STOM: variants seen among roughly 807,000 people sequenced by gnomAD.
The protein encoded by STOM is erythrocyte band 7 integral membrane protein.
STOM carries 25 observed loss-of-function variants against 30.6 expected under a neutral mutation model. The observed-to-expected ratio is 0.82, with a 90% CI of 0.60 to 1.14. STOM has a LOEUF of 1.14. Among genes scored for constraint, STOM ranks in the 50% most tolerant of loss-of-function variants. The pLI is 0.00. For missense variants in STOM, 292 were observed against 365.2 expected, an observed-to-expected ratio of 0.80 and a Z score of 1.63; for synonymous variants, 118 against 130.8, an observed-to-expected ratio of 0.90 and a Z score of 0.67.
intron 1 of STOM, among the ~76,000 whole-genome samples, chr9:121,361,450 G>A (rs1020484854): frequency 5.7e-5 from 8 of 139,864 alleles, no homozygotes; most frequent in African/African-American, 1.8e-4. Flanking sequence ...GTGCAGTGGC[G>A]AGATCTCGGC....
intron 1 of STOM, among the ~76,000 whole-genome samples, chr9:121,369,669 G>A (rs1053980975): frequency 3.3e-5 from 5 of 152,142 alleles, no homozygotes; most frequent in Non-Finnish European, 7.4e-5. Flanking sequence ...GTGGGATTGG[G>A]GGAGGAGGGG....
rs779357169 is a variant in STOM, at chr9:121,349,294, G to A, written c.351C>T (p.Ser117=). The change falls in exon 5 of 7, where the codon AGC becomes AGT. Residue 117 remains serine (S), a synonymous_variant. Coordinates refer to ENST00000286713, the MANE Select transcript of STOM (RefSeq NM_004099.6). The part of the protein sequence containing the change: ...EILTKDSVTI[S]VDGVVYYRVQ... ...CGCGGTAATAGACCACACCATCCACGCTAATTGTCACTGAATCCTTTGTGA... is the reference window on the plus strand; with the variant it reads ...CGCGGTAATAGACCACACCATCCACACTAATTGTCACTGAATCCTTTGTGA... 8.1e-6 allele frequency: 13 copies of A among 1,614,092 alleles called. No individual in the cohort carries two copies. The highest frequency in any genetic ancestry group is 7.7e-5 in the South Asian group (7 of 91,084).
At chr9:121,356,611 A>G (rs2064392788) in intron 1 of STOM, among the ~76,000 whole-genome samples, 1 of 152,216 alleles carries the variant, frequency 6.6e-6, no homozygotes, top group Admixed American at 6.5e-5. Flanking sequence ...GAGGTGAGAA[A>G]GGAATGGGGC....
chr9:121,366,293 A>T, intron 1 of STOM: 3 of 975,946 alleles, frequency 3.1e-6, no homozygotes, highest in Non-Finnish European at 3.7e-6. Flanking sequence ...GAATGTAGCA[A>T]CAAGTGTGTG....
chr9:121,346,192 G>C (rs1189214921), intron 6 of STOM, among the ~76,000 whole-genome samples: 1 of 152,072 alleles, frequency 6.6e-6, no homozygotes, highest in African/African-American at 2.4e-5. Flanking sequence ...GTTTCACCAT[G>C]GTGGCCAGGC....
chr9:121,369,919 G>A (rs1348397470), intron 1 of STOM: 4 of 505,252 alleles, frequency 7.9e-6, no homozygotes, highest in Non-Finnish European at 1.4e-5. Flanking sequence ...GAAACGTGCC[G>A]TTGGCAGCCC....
In STOM at chr9:121,341,520, G is replaced by T. The variant is rs369606939; in HGVS notation, c.661-112C>A. 1.4e-4 allele frequency: 183 copies of T among 1,331,598 alleles called. 1 individual carries two copies. Among genetic ancestry groups the T allele is most frequent in the South Asian group, 1.1e-3 (83 of 76,132 alleles). 82.5% of individuals were successfully genotyped at this position (1,331,598 alleles called of 1,614,324 possible). On this transcript the variant is annotated intron_variant, in intron 6 of 6. Coordinates refer to ENST00000286713, the MANE Select transcript of STOM (RefSeq NM_004099.6). ...GGTGGTCCACAAAACTTTCTAGGGC[G>T]TATGCCAGAGTAGTTTTAAGAAAAT...
Position 121,339,051 on chromosome 9 carries a change from C to A in STOM, c.*2151G>T, listed in dbSNP as rs1325276018. On this transcript the variant is annotated 3_prime_UTR_variant, in exon 7 of 7. Transcript: ENST00000286713. ...AAATCCACAGACATTCAATACAGGC[C>A]GAAACAGACTCTCACCCCAAAAATA... is the stretch of plus-strand genomic sequence containing the variant. 2 of 152,174 alleles carry A rather than the reference C, an allele frequency of 1.3e-5. No individual in the cohort carries two copies. Among genetic ancestry groups the A allele is most frequent in the African/African-American group, 2.4e-5 (1 of 41,418 alleles). 9.4% of individuals were successfully genotyped at this position (152,174 alleles called of 1,614,324 possible). A position where few individuals can be genotyped will look rare whatever the true frequency, so the allele number is the denominator to read the frequency against.
In STOM at chr9:121,349,314, T is replaced by C. The variant is rs887477202; in HGVS notation, c.331A>G (p.Lys111Glu). ...FDIPPQEILT[K>E]DSVTISVDGV... is the part of the protein sequence containing the mutation. ...TCCACGCTAATTGTCACTGAATCCT[T>C]TGTGAGGATCTACAAGATGAAGGAA... Residue 111 changes from lysine (K) to glutamate (E), a missense_variant, in exon 5 of 7, where the codon AAG becomes GAG. Coordinates refer to ENST00000286713, the MANE Select transcript of STOM (RefSeq NM_004099.6). 1 of 1,614,028 alleles carries C rather than the reference T, an allele frequency of 6.2e-7. No individual in the cohort carries two copies. The highest frequency in any genetic ancestry group is 1.1e-5 in the South Asian group (1 of 91,068).
intron 1 of STOM, among the ~76,000 whole-genome samples, chr9:121,368,934 A>G (rs1204796296): frequency 6.8e-6 from 1 of 147,552 alleles, no homozygotes; most frequent in African/African-American, 2.5e-5. Context: ...CTCCGTCTCA[A>G]AAAAAAAAAA....
At chr9:121,347,914 G>T (rs2064303401) in intron 6 of STOM, 101 bp downstream of exon 6, 1 of 1,404,546 alleles carries the variant, frequency 7.1e-7, no homozygotes, top group Non-Finnish European at 9.4e-7. Context: ...ACCACTTCAA[G>T]ATTATTTCAA....
chr9:121,366,111 C>A lies in STOM; in HGVS notation c.61+4016G>T, dbSNP rs193149735. 9.7e-4 allele frequency: 960 copies of A among 985,058 alleles called. 1 individual carries two copies. Among genetic ancestry groups the A allele is most frequent in the Non-Finnish European group, 1.1e-3 (900 of 829,682 alleles). 61.0% of individuals were successfully genotyped at this position (985,058 alleles called of 1,614,324 possible). ...CTCTCATTTCACTATATTCTACTAC[C>A]TTACCATAGTGCTCACTTTAACTGG... On this transcript the variant is annotated intron_variant, in intron 1 of 6. Coordinates refer to ENST00000286713, the MANE Select transcript of STOM (RefSeq NM_004099.6).
At chr9:121,361,103 C>T (rs1311264164) in intron 1 of STOM, among the ~76,000 whole-genome samples, 2 of 152,104 alleles carry the variant, frequency 1.3e-5, no homozygotes, top group African/African-American at 2.4e-5. Flanking sequence ...GATGTTTTTA[C>T]AGAGGAAGCC....
chr9:121,364,365 G>A (rs1190002572), intron 1 of STOM, among the ~76,000 whole-genome samples: 1 of 152,214 alleles, frequency 6.6e-6, no homozygotes, highest in Admixed American at 6.5e-5. Context: ...TAAATCTCTA[G>A]AGAAGAAATT....
chr9:121,363,526 T>C (rs1054289176), intron 1 of STOM, among the ~76,000 whole-genome samples: 10 of 152,232 alleles, frequency 6.6e-5, no homozygotes, highest in African/African-American at 2.4e-4. Flanking sequence ...ACTTTTGCAG[T>C]GCAAAAGAAG....
intron 5 of STOM, among the ~76,000 whole-genome samples, chr9:121,348,907 T>C (rs1245038376): frequency 1.3e-5 from 2 of 151,974 alleles, no homozygotes; most frequent in African/African-American, 4.8e-5. Context: ...CTGAAGAAAA[T>C]TTTAAAAAAA....
chr9:121,343,746 T>C (rs2064266344), intron 6 of STOM, among the ~76,000 whole-genome samples: 1 of 152,136 alleles, frequency 6.6e-6, no homozygotes, highest in Admixed American at 6.5e-5. Context: ...GGCCGGGTTC[T>C]GAAGGGCAGT....
rs922889674 is a variant in STOM, at chr9:121,370,090, C to T, written c.61+37G>A. On this transcript the variant is annotated intron_variant, in intron 1 of 6. Coordinates refer to ENST00000286713, the MANE Select transcript of STOM (RefSeq NM_004099.6). ...GGAGCGCACGCTGCGGGCGGGGGCTCGGTCCACGGGGGAGGGTCAGGGGAC... is the reference window on the plus strand; with the variant it reads ...GGAGCGCACGCTGCGGGCGGGGGCTTGGTCCACGGGGGAGGGTCAGGGGAC... 34 of 1,508,902 alleles carry T rather than the reference C, an allele frequency of 2.3e-5. 1 individual carries two copies. The highest frequency in any genetic ancestry group is 2.0e-5 in the Non-Finnish European group (23 of 1,123,352). 93.5% of individuals were successfully genotyped at this position (1,508,902 alleles called of 1,614,324 possible). A position where few individuals can be genotyped will look rare whatever the true frequency, so the allele number is the denominator to read the frequency against.
chr9:121,365,789 T>C (rs1007585819), intron 1 of STOM, among the ~76,000 whole-genome samples: 7 of 152,310 alleles, frequency 4.6e-5, no homozygotes, highest in African/African-American at 1.7e-4. Context: ...TGTAAAGGGC[T>C]TGACACTTAG....
Sources: gnomAD v4.1 joint callset for allele counts (sites outside exome capture counted in the v4.1 genomes callset) on GRCh38, gnomAD v4.1.1 for gene constraint, MANE v1.5 for transcripts, NCBI Gene and HGNC (gene_info 2026-07-23, HGNC 2026-07-21) for gene names.